The following CHUK variants were observed in gnomAD, a reference collection of about 807,000 sequenced individuals.
CHUK encodes the protein component of inhibitor of nuclear factor kappa B kinase complex.
A neutral mutation model predicts 104.8 loss-of-function variants in CHUK; 35 were observed. The ratio of observed to expected loss-of-function variants is 0.33; its 90% CI spans 0.26 to 0.44. CHUK has a LOEUF of 0.44. Among genes scored for constraint, CHUK ranks in the 20% least tolerant of loss-of-function variants. The pLI is 1.00. For missense variants in CHUK, 663 were observed against 902.7 expected (o/e 0.73, Z 3.40); for synonymous variants, 276 against 291.9 (o/e 0.95, Z 0.56).
rs545440406 is a variant in CHUK at position 100,194,671 on chromosome 10, G to T, written c.1730-150C>A. ...AATTAAAAATTGGGTTAAGATAAAA[G>T]ATATAAAGATTACCTATAAATAAAA... On this transcript the variant is annotated intron_variant, in intron 16 of 20. Coordinates refer to ENST00000370397, the MANE Select transcript of CHUK (RefSeq NM_001278.5). 50 of 565,080 alleles carry T rather than the reference G, an allele frequency of 8.8e-5. No individual in the cohort carries two copies. In the East Asian group the frequency reaches 1.4e-3, roughly 16 times the overall value. The allele number at this position is 565,080 out of a possible 1,614,324, so 35.0% of individuals were successfully genotyped here. A position where few individuals can be genotyped will look rare whatever the true frequency, so the allele number is the denominator to read the frequency against.
chr10:100,195,742 A>G (rs886557585), intron 16 of CHUK: 2 of 152,236 alleles, frequency 1.3e-5, no homozygotes, highest in Non-Finnish European at 2.9e-5. Flanking sequence ...TGATTATATA[A>G]TAGGCCCCAA....
chr10:100,192,794 T>A, intron 19 of CHUK: 1 of 912,682 alleles, frequency 1.1e-6, no homozygotes, highest in Non-Finnish European at 1.3e-6. Context: ...AAAACTGATT[T>A]AAAACACTGA....
rs1480627879 is a variant in CHUK, at chr10:100,229,446, G to C, written c.87C>G (p.Val29=). Residue 29 remains valine (V), a synonymous_variant, in exon 1 of 21, where the codon GTC becomes GTG. Transcript: ENST00000370397. ...ERLGTGGFGN[V]CLYQHRELDL... ...GCCTCACCCGATGCTGGTACAGACA[G>C]ACGTTCCCGAAGCCGCCGGTGCCCA... The C allele has an allele frequency of 2.2e-5, 35 of 1,603,018 alleles. No individual in the cohort carries two copies. Among genetic ancestry groups the C allele is most frequent in the Non-Finnish European group, 2.8e-5 (33 of 1,178,014 alleles).
At chr10:100,228,285 T>C (rs1226261590) in intron 1 of CHUK, among the ~76,000 whole-genome samples, 2 of 152,222 alleles carry the variant, frequency 1.3e-5, no homozygotes, top group African/African-American at 4.8e-5. Flanking sequence ...CAAATGGCAA[T>C]GCATGGTTGT....
rs1246400233 is a variant in CHUK, at chr10:100,210,082, TA to T, written c.934-294del. ...AGAACAAGTTATTTATTTATTTATT[TA>T]TTTATTTATTTTTTTTTTTTTTGAG... On this transcript the variant is annotated intron_variant, in intron 9 of 20. Transcript: ENST00000370397. Among the ~76,000 whole-genome samples the T allele has an allele frequency of 7.7e-3, 1,041 of 135,992 alleles. 13 individuals carry two copies. The highest frequency in any genetic ancestry group is 0.023 in the African/African-American group (707 of 30,682). The allele number at this position is 135,992 out of a possible 152,430, so 89.2% of individuals were successfully genotyped here.
intron 2 of CHUK, 58 bp downstream of exon 2, chr10:100,225,865 T>C: frequency 1.0e-6 from 1 of 969,850 alleles, no homozygotes; most frequent in Non-Finnish European, 1.7e-6. Flanking sequence ...TCTTTCCCCA[T>C]GATGACATCT....
intron 9 of CHUK, among the ~76,000 whole-genome samples, chr10:100,212,879 G>A (rs1346497817): frequency 6.6e-6 from 1 of 151,590 alleles, no homozygotes; most frequent in South Asian, 2.1e-4. Flanking sequence ...GTGGCACAAC[G>A]CCTATAATCC....
chr10:100,208,190 C>G (rs1845635532), intron 10 of CHUK, among the ~76,000 whole-genome samples: 1 of 152,084 alleles, frequency 6.6e-6, no homozygotes, highest in Non-Finnish European at 1.5e-5. Flanking sequence ...ATTGCAGCCT[C>G]AACCTCCCTG....
intron 19 of CHUK, among the ~76,000 whole-genome samples, chr10:100,192,166 G>C (rs1460154160): frequency 6.6e-6 from 1 of 152,152 alleles, no homozygotes; most frequent in Non-Finnish European, 1.5e-5. Flanking sequence ...GAAAATGTCT[G>C]TCAGATATAC....
intron 2 of CHUK, among the ~76,000 whole-genome samples, chr10:100,224,684 G>A (rs758682511): frequency 1.3e-5 from 2 of 151,446 alleles, no homozygotes; most frequent in Middle Eastern, 3.5e-3. Context: ...TAATCCATCC[G>A]CCTTGGCCTC....
At chr10:100,207,751 C>G (rs958126400) in intron 10 of CHUK, among the ~76,000 whole-genome samples, 16 of 151,994 alleles carry the variant, frequency 1.1e-4, no homozygotes, top group African/African-American at 3.9e-4. Flanking sequence ...AAAATAGATT[C>G]CTGGTTTCCT....
chr10:100,226,717 G>A (rs1417128353), intron 1 of CHUK, among the ~76,000 whole-genome samples: 1 of 152,168 alleles, frequency 6.6e-6, no homozygotes, highest in Non-Finnish European at 1.5e-5. Flanking sequence ...GCTACACTAT[G>A]TTTCTGATAT....
chr10:100,205,505 G>A (rs1845569321), intron 11 of CHUK, among the ~76,000 whole-genome samples: 1 of 152,096 alleles, frequency 6.6e-6, no homozygotes, highest in Admixed American at 6.5e-5. Context: ...CTGCAACCTG[G>A]AATACTCTTT....
At chr10:100,193,141 TC>T (rs1394126512) in intron 19 of CHUK, 156 bp downstream of exon 19, 1 of 781,288 alleles carries the variant, frequency 1.3e-6, no homozygotes, top group African/African-American at 1.7e-5. Flanking sequence ...AATATGAACA[TC>T]AAAAAAGTCA....
At chr10:100,215,905 T>C (rs572911647) in intron 9 of CHUK, among the ~76,000 whole-genome samples, 8 of 152,312 alleles carry the variant, frequency 5.3e-5, no homozygotes, top group African/African-American at 1.7e-4. Context: ...TCTTCAAAAT[T>C]CAGTCCTATT....
chr10:100,222,103 G>A lies in CHUK; in HGVS notation c.385+9C>T. 1 of 1,403,842 alleles carries A rather than the reference G, an allele frequency of 7.1e-7. No homozygotes were observed. The highest frequency in any genetic ancestry group is 1.0e-6 in the Non-Finnish European group (1 of 989,704). The allele number at this position is 1,403,842 out of a possible 1,614,324, so 87.0% of individuals were successfully genotyped here. ...TACATTACAATGGTATTTTAATACTGATACGTACCTATATCACTTAGTAAA... is the reference window on the plus strand; with the variant it reads ...TACATTACAATGGTATTTTAATACTAATACGTACCTATATCACTTAGTAAA... On this transcript the variant is annotated intron_variant, in intron 4 of 20. Transcript: ENST00000370397.
rs1040770993 is a variant in CHUK, at chr10:100,188,362, G to T, written c.*1236C>A. 1.3e-5 allele frequency: 2 copies of T among 152,470 alleles called. No homozygotes were observed. The highest frequency in any genetic ancestry group is 4.8e-5 in the African/African-American group (2 of 41,390). The allele number at this position is 152,470 out of a possible 1,614,324, so 9.4% of individuals were successfully genotyped here. A position where few individuals can be genotyped will look rare whatever the true frequency, so the allele number is the denominator to read the frequency against. The stretch of plus-strand genomic sequence containing the variant: ...GATTTTTATAATGAATAGAGATCAA[G>T]AAAGTAATTTAAAAACCATTTAATA... On this transcript the variant is annotated 3_prime_UTR_variant, in exon 21 of 21. Coordinates refer to ENST00000370397, the MANE Select transcript of CHUK (RefSeq NM_001278.5).
chr10:100,221,577 T>C (rs745864802), intron 4 of CHUK, among the ~76,000 whole-genome samples: 31 of 152,138 alleles, frequency 2.0e-4, no homozygotes, highest in Non-Finnish European at 4.0e-4. Flanking sequence ...TTGTCAGCTA[T>C]TGGAACATCT....
At position 100,220,950 on chromosome 10, in the gene CHUK, A is replaced by C. The variant is rs11190426; in HGVS notation, c.386-274T>G. ...AATTGGGAAAATCCCTGAAACTCTT[A>C]TAAGCCTCTTTCTCCCACCTAAATC... On this transcript the variant is annotated intron_variant, in intron 4 of 20. Coordinates refer to ENST00000370397, the MANE Select transcript of CHUK (RefSeq NM_001278.5). Among the ~76,000 whole-genome samples the C allele has an allele frequency of 0.049, 7,440 of 152,302 alleles. 603 individuals carry two copies. Among genetic ancestry groups the C allele is most frequent in the African/African-American group, 0.17 (7,019 of 41,532 alleles).
Sources: gnomAD v4.1 joint callset for allele counts (sites outside exome capture counted in the v4.1 genomes callset) on GRCh38, gnomAD v4.1.1 for gene constraint, MANE v1.5 for transcripts, NCBI Gene and HGNC (gene_info 2026-07-23, HGNC 2026-07-21) for gene names.